Variants in CNTN4 observed in about 807,000 individuals in gnomAD.
CNTN4 encodes contactin-4.
In CNTN4, 77 loss-of-function variants were observed where a neutral mutation model predicts 122.5. The observed-to-expected ratio is 0.63, with a 90% confidence interval of 0.52 to 0.76. The LOEUF (loss-of-function observed/expected upper bound fraction) is 0.76. Ranked by LOEUF, CNTN4 falls within the 30% of genes least tolerant of loss-of-function variation. The pLI is 0.00. For synonymous variants in CNTN4, 512 were observed against 447.0 expected (o/e 1.15, Z -1.83); for missense variants, 1,256 against 1,259.1 (o/e 1.00, Z 0.04).
At chr3:2,891,854 T>C (rs77104616) in intron 10 of CNTN4, among the ~76,000 whole-genome samples, 2,334 of 152,268 alleles carry the variant, frequency 0.015, 77 homozygotes, top group African/African-American at 0.053. Flanking sequence ...TGATTAATGT[T>C]TTGAAAAGAC....
intron 4 of CNTN4, among the ~76,000 whole-genome samples, chr3:2,636,382 T>C (rs978408653): frequency 2.0e-5 from 3 of 152,188 alleles, no homozygotes; most frequent in Non-Finnish European, 2.9e-5. Context: ...GAAGATAGAA[T>C]ATTTATTGCC....
At chr3:2,181,476 G>A (rs934918429) in intron 2 of CNTN4, among the ~76,000 whole-genome samples, 1 of 152,074 alleles carries the variant, frequency 6.6e-6, no homozygotes. Flanking sequence ...TATTTTTGAG[G>A]ACAAAAGTGG....
intron 3 of CNTN4, among the ~76,000 whole-genome samples, chr3:2,517,440 G>A (rs13059620): frequency 0.13 from 19,106 of 152,066 alleles, 1,580 homozygotes; most frequent in Non-Finnish European, 0.19. Context: ...ACCCCAAATA[G>A]TCCTAGGAGA....
At chr3:2,409,177 C>T (rs1404477669) in intron 3 of CNTN4, among the ~76,000 whole-genome samples, 2 of 151,598 alleles carry the variant, frequency 1.3e-5, no homozygotes, top group African/African-American at 4.8e-5. Context: ...ACTCATCTTG[C>T]AGGTTTTATT....
chr3:2,201,993 C>T (rs986080231), intron 2 of CNTN4, among the ~76,000 whole-genome samples: 9 of 152,252 alleles, frequency 5.9e-5, no homozygotes, highest in Admixed American at 5.9e-4. Context: ...AGGCTTAAAT[C>T]TTACACAGGA....
intron 6 of CNTN4, among the ~76,000 whole-genome samples, chr3:2,803,276 G>A (rs1225897404): frequency 2.0e-5 from 3 of 152,146 alleles, no homozygotes; most frequent in African/African-American, 7.2e-5. Flanking sequence ...AAAATAGTAA[G>A]TATTGTTGAG....
At chr3:2,979,851 G>A (rs548205513) in intron 13 of CNTN4, among the ~76,000 whole-genome samples, 35 of 152,246 alleles carry the variant, frequency 2.3e-4, no homozygotes, top group South Asian at 8.3e-4. Flanking sequence ...TGACTTAAAG[G>A]CAAGCAAGGA....
rs555082681 is a variant in CNTN4 at position 2,825,575 on chromosome 3, G to A, written c.454+5994G>A. Among the ~76,000 whole-genome samples, 18 of 152,220 alleles carry A rather than the reference G, an allele frequency of 1.2e-4. No individual in the cohort carries two copies. In the East Asian group the frequency reaches 3.5e-3, roughly 29 times the overall value. On this transcript the variant is annotated intron_variant, in intron 7 of 24. Coordinates refer to ENST00000418658, the MANE Select transcript of CNTN4 (RefSeq NM_175607.3). ...GTGGTGGTGTGTGCCTCTAGTCCCA[G>A]CTATTTGAGAGGATGAGGTGGGAGG...
At chr3:2,340,590 G>C (rs1001502042) in intron 3 of CNTN4, among the ~76,000 whole-genome samples, 2 of 150,342 alleles carry the variant, frequency 1.3e-5, no homozygotes, top group Non-Finnish European at 3.0e-5. Context: ...TGAAGCGAAA[G>C]GATCACTTGG....
intron 23 of CNTN4, among the ~76,000 whole-genome samples, chr3:3,046,335 C>A (rs1486740769): frequency 6.6e-6 from 1 of 152,028 alleles, no homozygotes; most frequent in South Asian, 2.1e-4. Flanking sequence ...GTCAGATTCA[C>A]CAAAGTCGAA....
intron 4 of CNTN4, among the ~76,000 whole-genome samples, chr3:2,708,811 A>G (rs2086915495): frequency 6.6e-6 from 1 of 152,174 alleles, no homozygotes; most frequent in South Asian, 2.1e-4. Flanking sequence ...GCATGAAAAC[A>G]TTATTATTCT....
chr3:2,273,379 A>G (rs1233134996), intron 2 of CNTN4, among the ~76,000 whole-genome samples: 2 of 152,018 alleles, frequency 1.3e-5, no homozygotes, highest in East Asian at 1.9e-4. Flanking sequence ...AAAAGGCCCA[A>G]CTCAGCTTGT....
rs1292083835 is a variant in CNTN4 at position 3,057,577 on chromosome 3, C to G, written c.*1357C>G. 6.6e-6 allele frequency: 1 copy of G among 152,624 alleles called. No individual in the cohort carries two copies. Among genetic ancestry groups the G allele is most frequent in the Non-Finnish European group, 1.5e-5 (1 of 68,032 alleles). The allele number at this position is 152,624 out of a possible 1,614,324, so 9.5% of individuals were successfully genotyped here. On this transcript the variant is annotated 3_prime_UTR_variant, in exon 25 of 25. Transcript: ENST00000418658. ...TTTTCTCATGTAAACATGCTGCCAC[C>G]TTTTCTTCTTTCTCAGAGAACTCAA...
chr3:2,814,222 A>G (rs2092678223), intron 6 of CNTN4, among the ~76,000 whole-genome samples: 1 of 152,272 alleles, frequency 6.6e-6, no homozygotes, highest in Non-Finnish European at 1.5e-5. Flanking sequence ...AAAAATCTAC[A>G]CATCACATGT....
At chr3:2,377,828 C>T (rs985402057) in intron 3 of CNTN4, among the ~76,000 whole-genome samples, 2 of 151,430 alleles carry the variant, frequency 1.3e-5, no homozygotes, top group East Asian at 1.9e-4. Context: ...TTATGTGTGG[C>T]GCCAGACAAT....
chr3:2,554,254 A>C (rs9846459), intron 3 of CNTN4, among the ~76,000 whole-genome samples: 11,174 of 152,190 alleles, frequency 0.073, 1,225 homozygotes, highest in East Asian at 0.55. Context: ...TATTAGTTTC[A>C]GACTTCCTTT....
intron 10 of CNTN4, among the ~76,000 whole-genome samples, chr3:2,895,737 T>C (rs1030936513): frequency 6.6e-6 from 1 of 152,060 alleles, no homozygotes; most frequent in African/African-American, 2.4e-5. Context: ...TTTCACTTAT[T>C]AAAATCAAAA....
At chr3:2,568,317 GAAAAAAAAAA>G (rs770465722) in intron 3 of CNTN4, among the ~76,000 whole-genome samples, 2 of 71,034 alleles carry the variant, frequency 2.8e-5, no homozygotes, top group Non-Finnish European at 5.1e-5. Flanking sequence ...GCAAGAATGT[GAAAAAAAAAA>G]AAAAAAAAAA....
chr3:2,860,066 G>C (rs1010747279), intron 7 of CNTN4, among the ~76,000 whole-genome samples: 1 of 152,174 alleles, frequency 6.6e-6, no homozygotes, highest in African/African-American at 2.4e-5. Flanking sequence ...AAAATATCTT[G>C]AACAAAGCGA....
Sources: gnomAD v4.1 joint callset for allele counts (sites outside exome capture counted in the v4.1 genomes callset) on GRCh38, gnomAD v4.1.1 for gene constraint, MANE v1.5 for transcripts, NCBI Gene and HGNC (gene_info 2026-07-23, HGNC 2026-07-21) for gene names.